CSMD1: variants seen among roughly 807,000 people sequenced by gnomAD.
The protein encoded by CSMD1 is CUB and Sushi multiple domains 1.
A neutral mutation model predicts 417.5 loss-of-function variants in CSMD1; 213 were observed. The ratio of observed to expected loss-of-function variants is 0.51; its 90% CI spans 0.46 to 0.57. The LOEUF (loss-of-function observed/expected upper bound fraction) is 0.57. CSMD1 is among the 20% of genes least tolerant of loss of function. The pLI, the probability that CSMD1 is intolerant of heterozygous loss-of-function variation, is 0.00. For synonymous variants in CSMD1, 2,862 were observed against 1,736.8 expected, an observed-to-expected ratio of 1.65 and a Z score of -16.11; for missense variants, 6,923 against 4,529.7, an observed-to-expected ratio of 1.53 and a Z score of -15.17.
At chr8:3,661,394 T>C (rs931994021) in intron 7 of CSMD1, among the ~76,000 whole-genome samples, 1 of 152,136 alleles carries the variant, frequency 6.6e-6, no homozygotes, top group African/African-American at 2.4e-5. Context: ...CCTTTTTTTG[T>C]GTATAAATCT....
intron 62 of CSMD1, among the ~76,000 whole-genome samples, chr8:2,959,648 G>A (rs749055660): frequency 1.3e-5 from 2 of 152,098 alleles, no homozygotes; most frequent in Non-Finnish European, 2.9e-5. Context: ...ACGCTGGCTG[G>A]AGAACGGGAG....
rs138392216 is a variant in CSMD1, at chr8:3,473,803, G to C, written c.1449-4979C>G. ...ATGAAGATATTATCCAAGACCTAGA[G>C]ACTGGGTAATTTATAAAGAAAGGAG... is the stretch of plus-strand genomic sequence containing the variant. On this transcript the variant is annotated intron_variant, in intron 11 of 69. Transcript: ENST00000635120. Among the ~76,000 whole-genome samples the C allele has an allele frequency of 4.7e-3, 723 of 152,230 alleles. 8 individuals carry two copies. Among genetic ancestry groups the C allele is most frequent in the African/African-American group, 0.017 (703 of 41,526 alleles).
intron 3 of CSMD1, among the ~76,000 whole-genome samples, chr8:4,182,104 A>T (rs75050679): frequency 0.03 from 4,584 of 152,088 alleles, 100 homozygotes; most frequent in Non-Finnish European, 0.044. Context: ...TAGCATTTCA[A>T]TGCTAAAACT....
chr8:3,854,291 G>T lies in CSMD1; in HGVS notation c.819-100249C>A, dbSNP rs532511817. Among the ~76,000 whole-genome samples, 20 of 151,606 alleles carry T rather than the reference G, an allele frequency of 1.3e-4. 1 individual carries two copies. In the South Asian group the frequency reaches 2.9e-3, roughly 22 times the overall value. On this transcript the variant is annotated intron_variant, in intron 5 of 69. Transcript: ENST00000635120. Reference sequence around the variant, plus strand: ...AAATATGATCAATAATTCTTGTAAGGTGAAATTTTAGTAGTGTGCACTGCC... The same window carrying T: ...AAATATGATCAATAATTCTTGTAAGTTGAAATTTTAGTAGTGTGCACTGCC...
At chr8:4,537,128 T>G (rs1032621614) in intron 2 of CSMD1, among the ~76,000 whole-genome samples, 1 of 152,220 alleles carries the variant, frequency 6.6e-6, no homozygotes, top group South Asian at 2.1e-4. Flanking sequence ...CATTTATATG[T>G]AAAACTGTAT....
intron 52 of CSMD1, among the ~76,000 whole-genome samples, chr8:3,016,149 G>A (rs1391418974): frequency 2.6e-5 from 4 of 152,172 alleles, no homozygotes; most frequent in African/African-American, 9.7e-5. Context: ...CAAATGCCAT[G>A]TGCATTTTAA....
At chr8:3,940,637 T>G (rs1474366560) in intron 5 of CSMD1, among the ~76,000 whole-genome samples, 3 of 151,944 alleles carry the variant, frequency 2.0e-5, no homozygotes, top group South Asian at 4.2e-4. Flanking sequence ...TATGTAACCT[T>G]AACTTTCTTG....
intron 5 of CSMD1, among the ~76,000 whole-genome samples, chr8:3,919,449 C>G (rs150671242): frequency 6.6e-6 from 1 of 151,980 alleles, no homozygotes; most frequent in African/African-American, 2.4e-5. Context: ...GCAGTTTTTG[C>G]TTGAGTTCAC....
intron 1 of CSMD1, among the ~76,000 whole-genome samples, chr8:4,920,089 G>C (rs752025661): frequency 6.6e-6 from 1 of 152,116 alleles, no homozygotes; most frequent in Non-Finnish European, 1.5e-5. Context: ...AAGACAAATA[G>C]AAGACAATGT....
At chr8:3,304,772 T>G (rs1314695305) in intron 25 of CSMD1, among the ~76,000 whole-genome samples, 1 of 152,058 alleles carries the variant, frequency 6.6e-6, no homozygotes, top group African/African-American at 2.4e-5. Flanking sequence ...AGTATTAGAT[T>G]CACCTGTAAA....
intron 5 of CSMD1, among the ~76,000 whole-genome samples, chr8:3,764,023 G>C (rs1258658810): frequency 6.6e-6 from 1 of 152,090 alleles, no homozygotes; most frequent in Non-Finnish European, 1.5e-5. Context: ...GCAGGTGTTT[G>C]GCACACAGCC....
chr8:3,548,453 C>A (rs1284139582), intron 10 of CSMD1, among the ~76,000 whole-genome samples: 1 of 151,932 alleles, frequency 6.6e-6, no homozygotes, highest in Admixed American at 6.6e-5. Flanking sequence ...CACTTCCCAC[C>A]CTTTCTGCCT....
chr8:3,781,058 C>G (rs913857495), intron 5 of CSMD1, among the ~76,000 whole-genome samples: 4 of 152,084 alleles, frequency 2.6e-5, no homozygotes, highest in South Asian at 2.1e-4. Flanking sequence ...AGTAAAGCAG[C>G]AAATAGTTGA....
At chr8:3,280,506 C>A (rs992018688) in intron 26 of CSMD1, among the ~76,000 whole-genome samples, 1 of 152,166 alleles carries the variant, frequency 6.6e-6, no homozygotes, top group East Asian at 1.9e-4. Context: ...CATTTAAATG[C>A]CTCAGAGTCA....
At chr8:4,777,277 T>C (rs990643235) in intron 1 of CSMD1, among the ~76,000 whole-genome samples, 2 of 152,188 alleles carry the variant, frequency 1.3e-5, no homozygotes, top group Non-Finnish European at 2.9e-5. Context: ...GAGAAACAAT[T>C]AAGTCTAATT....
intron 25 of CSMD1, 26 bp downstream of exon 25, chr8:3,307,669 C>T (rs772982491): frequency 1.9e-6 from 3 of 1,608,400 alleles, no homozygotes; most frequent in Non-Finnish European, 2.5e-6. Flanking sequence ...TTTCTCAAAT[C>T]ACTGAAACCA....
chr8:4,749,966 C>T (rs778129115), intron 1 of CSMD1, among the ~76,000 whole-genome samples: 1 of 151,804 alleles, frequency 6.6e-6, no homozygotes, highest in Non-Finnish European at 1.5e-5. Flanking sequence ...CCCTCAAGTG[C>T]CTGTTTAATA....
At chr8:4,802,485 TA>T (rs1563432926) in intron 1 of CSMD1, among the ~76,000 whole-genome samples, 1 of 151,060 alleles carries the variant, frequency 6.6e-6, no homozygotes, top group African/African-American at 2.4e-5. Flanking sequence ...AATCAAACAA[TA>T]AAAACAAGAC....
chr8:3,142,139 G>T (rs554574925), intron 41 of CSMD1, among the ~76,000 whole-genome samples: 1 of 152,300 alleles, frequency 6.6e-6, no homozygotes, highest in Non-Finnish European at 1.5e-5. Flanking sequence ...ATGCTGGGGA[G>T]ACTGAATTGA....
Sources: allele counts gnomAD v4.1 joint callset (sites outside exome capture counted in the v4.1 genomes callset), GRCh38; gene constraint gnomAD v4.1.1; transcripts MANE v1.5; gene names NCBI Gene and HGNC (gene_info 2026-07-23, HGNC 2026-07-21).